Variants in SPEF2 observed in about 807,000 individuals in gnomAD.
SPEF2 encodes sperm flagellar and cilia associated 2.
In SPEF2, 187 loss-of-function variants were observed where a neutral mutation model predicts 224.6. The ratio of observed to expected loss-of-function variants is 0.83; its 90% CI spans 0.74 to 0.94. The LOEUF (loss-of-function observed/expected upper bound fraction) is 0.94. SPEF2 is among the 40% of genes least tolerant of loss of function. The pLI, the probability that SPEF2 is intolerant of heterozygous loss-of-function variation, is 0.00. For synonymous variants in SPEF2, 715 were observed against 707.3 expected (o/e 1.01, Z -0.17); for missense variants, 2,170 against 2,135.6 (o/e 1.02, Z -0.32).
chr5:35,753,177 G>A (rs1178751167), intron 23 of SPEF2, among the ~76,000 whole-genome samples: 1 of 151,530 alleles, frequency 6.6e-6, no homozygotes, highest in East Asian at 1.9e-4. Context: ...ACATTTTTTG[G>A]TGAACAATAT....
At chr5:35,765,523 T>C (rs753634265) in intron 26 of SPEF2, among the ~76,000 whole-genome samples, 2 of 152,198 alleles carry the variant, frequency 1.3e-5, no homozygotes, top group Non-Finnish European at 2.9e-5. Flanking sequence ...TAGGTAGTGC[T>C]AAACCCTTTC....
chr5:35,709,095 C>CA lies in SPEF2; in HGVS notation c.2813_2814insA (p.Thr939TyrfsTer14). 6.2e-7 allele frequency: 1 copy of CA among 1,612,636 alleles called. No homozygotes were observed. The highest frequency in any genetic ancestry group is 1.7e-4 in the Middle Eastern group (1 of 6,056). ...CAAAGCCATGTGGCTTCAAAAACTC[C>CA]TACTGCAAAAGGAAAACCTCAATCA... On this transcript the variant is annotated frameshift_variant, in exon 19 of 37. Transcript: ENST00000356031. LOFTEE classifies it high-confidence loss of function.
intron 6 of SPEF2, among the ~76,000 whole-genome samples, chr5:35,652,487 G>A (rs1482923032): frequency 2.6e-5 from 4 of 152,084 alleles, no homozygotes; most frequent in Non-Finnish European, 5.9e-5. Context: ...TGAGTGCTTG[G>A]TACCTACATA....
chr5:35,664,903 T>C (rs1266274867), intron 8 of SPEF2, among the ~76,000 whole-genome samples: 3 of 152,140 alleles, frequency 2.0e-5, no homozygotes, highest in Non-Finnish European at 4.4e-5. Flanking sequence ...TTGAGCGTTT[T>C]TGTTTTGTTT....
rs188129102 is a variant in SPEF2, at chr5:35,636,065, A to G, written c.162-5366A>G. 1.1e-4 allele frequency among the ~76,000 whole-genome samples: 16 copies of G among 152,206 alleles called. No individual in the cohort carries two copies. The East Asian group carries it at 2.7e-3, about 26-fold the overall frequency. On this transcript the variant is annotated intron_variant, in intron 2 of 36. Coordinates refer to ENST00000356031, the MANE Select transcript of SPEF2 (RefSeq NM_024867.4). ...ATAATATAATGTGTCAATTCAGATT[A>G]TTACATATTCCCAGGGTTTGTTGTT...
At chr5:35,813,474 A>G (rs1308823549) in intron 36 of SPEF2, among the ~76,000 whole-genome samples, 1 of 152,198 alleles carries the variant, frequency 6.6e-6, no homozygotes, top group Non-Finnish European at 1.5e-5. Flanking sequence ...CCTGGGTGAC[A>G]GAGCGAAACT....
intron 36 of SPEF2, among the ~76,000 whole-genome samples, chr5:35,808,569 G>A (rs973998383): frequency 6.6e-6 from 1 of 151,922 alleles, no homozygotes; most frequent in African/African-American, 2.4e-5. Flanking sequence ...TCCCTATGAA[G>A]GACATGAAGT....
At chr5:35,784,583 T>C (rs1345856073) in intron 30 of SPEF2, among the ~76,000 whole-genome samples, 2 of 152,202 alleles carry the variant, frequency 1.3e-5, no homozygotes, top group Non-Finnish European at 2.9e-5. Flanking sequence ...AGCATGAGGG[T>C]TAGCCCAGAG....
intron 10 of SPEF2, among the ~76,000 whole-genome samples, chr5:35,674,158 G>A (rs1751556650): frequency 6.6e-6 from 1 of 152,070 alleles, no homozygotes; most frequent in Admixed American, 6.6e-5. Context: ...TATAGACTGG[G>A]TGGCTTAAAC....
chr5:35,618,334 A>G (rs1055791261), intron 1 of SPEF2, among the ~76,000 whole-genome samples: 4 of 152,040 alleles, frequency 2.6e-5, no homozygotes, highest in Admixed American at 2.6e-4. Context: ...CCCAACCCGC[A>G]GGCATTCTGA....
chr5:35,647,341 G>C (rs1049080861), intron 5 of SPEF2, among the ~76,000 whole-genome samples: 36 of 151,384 alleles, frequency 2.4e-4, no homozygotes, highest in African/African-American at 8.7e-4. Context: ...TAGGGAGGGA[G>C]AGAGAGAGAG....
intron 23 of SPEF2, among the ~76,000 whole-genome samples, chr5:35,744,720 C>G (rs1237860067): frequency 1.3e-5 from 2 of 152,148 alleles, no homozygotes; most frequent in Non-Finnish European, 2.9e-5. Context: ...CCACAGCACA[C>G]TCCAGCCTGG....
At chr5:35,786,226 A>G (rs1393447169) in intron 30 of SPEF2, among the ~76,000 whole-genome samples, 2 of 152,242 alleles carry the variant, frequency 1.3e-5, no homozygotes, top group African/African-American at 4.8e-5. Flanking sequence ...GAAGATTGAC[A>G]AGTAGCCCAA....
chr5:35,763,117 T>G (rs1311186354), intron 25 of SPEF2, among the ~76,000 whole-genome samples: 3 of 152,204 alleles, frequency 2.0e-5, no homozygotes, highest in African/African-American at 7.2e-5. Flanking sequence ...ATGATACTTG[T>G]CACCTTAGAG....
intron 36 of SPEF2, among the ~76,000 whole-genome samples, chr5:35,812,687 A>G (rs1326451584): frequency 6.6e-6 from 1 of 152,222 alleles, no homozygotes; most frequent in Middle Eastern, 3.2e-3. Context: ...TTACCTTATA[A>G]TTGAGGTTTA....
intron 10 of SPEF2, among the ~76,000 whole-genome samples, chr5:35,689,472 C>T (rs1408212257): frequency 6.6e-6 from 1 of 152,054 alleles, no homozygotes; most frequent in Admixed American, 6.6e-5. Context: ...GAGCAAAGTT[C>T]CCAATAGGTA....
chr5:35,790,282 A>G, intron 30 of SPEF2: 1 of 612,214 alleles, frequency 1.6e-6, no homozygotes, highest in Non-Finnish European at 2.9e-6. Context: ...AAAGCTATCC[A>G]TTTATGGAAT....
intron 10 of SPEF2, among the ~76,000 whole-genome samples, chr5:35,674,299 G>A (rs1277386630): frequency 6.6e-6 from 1 of 150,418 alleles, no homozygotes; most frequent in East Asian, 1.9e-4. Flanking sequence ...TTCTCACAGG[G>A]CAGAGAGAAA....
In SPEF2 at chr5:35,644,442, G is replaced by A; in HGVS notation, c.502G>A (p.Glu168Lys). ...TCAAGAAAAATATAAACACGTGAAA[G>A]AAGATCTTGCCCATTTGCATTTTGA... is the stretch of plus-strand genomic sequence containing the variant. The part of the protein sequence containing the change: ...RFQEKYKHVK[E>K]DLAHLHFEKL... Residue 168 changes from glutamate to lysine, a missense_variant, in exon 4 of 37, where the codon GAA (glutamate) becomes AAA (lysine). Glu to Lys is a moderately conservative substitution (Grantham distance 56). Transcript: ENST00000356031. 1 of 1,611,386 alleles carries A rather than the reference G, an allele frequency of 6.2e-7. No homozygotes were observed. Among genetic ancestry groups the A allele is most frequent in the Non-Finnish European group, 8.5e-7 (1 of 1,178,936 alleles).
Sources: gnomAD v4.1 joint callset for allele counts (sites outside exome capture counted in the v4.1 genomes callset) on GRCh38, gnomAD v4.1.1 for gene constraint, MANE v1.5 for transcripts, NCBI Gene and HGNC (gene_info 2026-07-23, HGNC 2026-07-21) for gene names.